The following OSBP2 variants were observed in gnomAD, a reference collection of about 807,000 sequenced individuals.
The protein encoded by OSBP2 is oxysterol-binding protein 2.
A neutral mutation model predicts 96.0 loss-of-function variants in OSBP2; 66 were observed. The ratio of observed to expected loss-of-function variants is 0.69; its 90% CI spans 0.56 to 0.84. OSBP2 has a LOEUF of 0.84. Among genes scored for constraint, OSBP2 ranks in the 40% least tolerant of loss-of-function variants. The probability of loss-of-function intolerance (pLI) is 0.00; values close to 1 mark genes in which losing one functional copy is unlikely to be tolerated. For synonymous variants in OSBP2, 525 were observed against 520.9 expected (o/e 1.01, Z -0.11); for missense variants, 1,038 against 1,222.7 (o/e 0.85, Z 2.25).
chr22:30,869,758 C>T (rs2039420241), intron 2 of OSBP2, among the ~76,000 whole-genome samples: 1 of 151,966 alleles, frequency 6.6e-6, no homozygotes, highest in East Asian at 1.9e-4. Context: ...GCTCTTTTGG[C>T]AGAGTTTGGA....
At chr22:30,848,512 C>T (rs933205837) in intron 2 of OSBP2, among the ~76,000 whole-genome samples, 2 of 152,064 alleles carry the variant, frequency 1.3e-5, no homozygotes, top group Non-Finnish European at 2.9e-5. Flanking sequence ...ATGTATACAC[C>T]TGTGTAGCTG....
At position 30,818,921 on chromosome 22, in the gene OSBP2, G is replaced by A. The variant is rs564777092; in HGVS notation, c.854-51508G>A. On this transcript the variant is annotated intron_variant, in intron 2 of 13. Transcript: ENST00000332585. Reference sequence around the variant, plus strand: ...AGTTTGGAGGGTTGCAGCTGCCCCCGGGATTGCCAGCACAGGATATTTGGG... The same window carrying A: ...AGTTTGGAGGGTTGCAGCTGCCCCCAGGATTGCCAGCACAGGATATTTGGG... Among the ~76,000 whole-genome samples, 14 of 152,326 alleles carry A rather than the reference G, an allele frequency of 9.2e-5. No homozygotes were observed. The East Asian group carries it at 1.4e-3, about 15-fold the overall frequency.
chr22:30,899,309 G>C (rs1024705172), intron 12 of OSBP2, among the ~76,000 whole-genome samples: 6 of 151,786 alleles, frequency 4.0e-5, no homozygotes, highest in African/African-American at 1.5e-4. Flanking sequence ...AGGAGGCTGA[G>C]GCAGGAAGGT....
intron 2 of OSBP2, chr22:30,770,648 C>T (rs1167839125): frequency 6.6e-6 from 1 of 152,232 alleles, no homozygotes; most frequent in African/African-American, 2.4e-5. Flanking sequence ...GGCCTGTGCT[C>T]AGGGTGCAGG....
rs2039447598 is a variant in OSBP2, at chr22:30,871,056, G to A, written c.1107+374G>A. ...GCTGCCACACTGGCCCTCGGTGGCT[G>A]CTACTCCTCCTCCCTGGGTTCACTC... On this transcript the variant is annotated intron_variant, in intron 3 of 13. Coordinates refer to ENST00000332585, the MANE Select transcript of OSBP2 (RefSeq NM_030758.4). This position sits in a 1 kb window ranked among gnomAD's most constrained non-coding sequence, Gnocchi z 4.7. Among the ~76,000 whole-genome samples, 1 of 152,144 alleles carries A rather than the reference G, an allele frequency of 6.6e-6. No individual in the cohort carries two copies. Among genetic ancestry groups the A allele is most frequent in the South Asian group, 2.1e-4 (1 of 4,826 alleles).
At chr22:30,860,191 C>T (rs767950857) in intron 2 of OSBP2, among the ~76,000 whole-genome samples, 28 of 152,110 alleles carry the variant, frequency 1.8e-4, no homozygotes, top group Admixed American at 3.9e-4. Context: ...CTTCCTACCC[C>T]CAAGTTACCA....
chr22:30,717,626 A>G (rs1299340400), intron 1 of OSBP2, among the ~76,000 whole-genome samples: 1 of 152,250 alleles, frequency 6.6e-6, no homozygotes. Context: ...ATAGCCTGTA[A>G]GAAAGCAGAT....
upstream of OSBP2, chr22:30,694,443 A>G: frequency 7.2e-7 from 1 of 1,386,042 alleles, no homozygotes; most frequent in Non-Finnish European, 9.5e-7. Flanking sequence ...CCTGCTTCCC[A>G]CCCGGCTTTC....
At chr22:30,733,649 T>C (rs548088471) in intron 1 of OSBP2, among the ~76,000 whole-genome samples, 8 of 152,218 alleles carry the variant, frequency 5.3e-5, no homozygotes, top group South Asian at 4.2e-4. Context: ...CCATTCTTAG[T>C]TGATGTACAA....
rs1409494424 is a variant in OSBP2, at chr22:30,785,648, T to C, written c.853+44279T>C. ...CTAAATTTTATAGAGGTTAGTGATA[T>C]GATTTGGCTCTATATCCCCACCAAA... On this transcript the variant is annotated intron_variant, in intron 2 of 13. Transcript: ENST00000332585. Among the ~76,000 whole-genome samples the C allele has an allele frequency of 3.3e-5, 5 of 152,102 alleles. No homozygotes were observed. The East Asian group carries it at 9.6e-4, about 29-fold the overall frequency.
intron 2 of OSBP2, among the ~76,000 whole-genome samples, chr22:30,801,245 G>A (rs1396982677): frequency 2.0e-5 from 3 of 152,156 alleles, no homozygotes; most frequent in Non-Finnish European, 2.9e-5. Context: ...TTGTCATTGA[G>A]TTTTGACAGT....
At chr22:30,837,524 T>C (rs892099838) in intron 2 of OSBP2, among the ~76,000 whole-genome samples, 1 of 152,184 alleles carries the variant, frequency 6.6e-6, no homozygotes, top group Non-Finnish European at 1.5e-5. Flanking sequence ...GAAGAAACTA[T>C]TGCAGAAGAA....
Position 30,906,428 on chromosome 22 carries a change from C to T in OSBP2, c.*89C>T. The T allele has an allele frequency of 7.2e-7, 1 of 1,388,558 alleles. No homozygotes were observed. The highest frequency in any genetic ancestry group is 9.6e-7 in the Non-Finnish European group (1 of 1,041,152). 86.0% of individuals were successfully genotyped at this position (1,388,558 alleles called of 1,614,324 possible). Reference sequence around the variant, plus strand: ...CAATTTAGTACTGAATGGTCTTTCTCCCAGCCCATTCCCAGCCCTTCCTAT... The same window carrying T: ...CAATTTAGTACTGAATGGTCTTTCTTCCAGCCCATTCCCAGCCCTTCCTAT... On this transcript the variant is annotated 3_prime_UTR_variant, in exon 14 of 14. Coordinates refer to ENST00000332585, the MANE Select transcript of OSBP2 (RefSeq NM_030758.4).
rs892969852 is a variant in OSBP2 at position 30,889,593 on chromosome 22, T to C, written c.1580T>C (p.Met527Thr). The C allele has an allele frequency of 1.2e-6, 2 of 1,614,070 alleles. No homozygotes were observed. The highest frequency in any genetic ancestry group is 1.7e-6 in the Non-Finnish European group (2 of 1,180,032). The change falls in exon 7 of 14, where the codon ATG becomes ACG. Residue 527 changes from methionine to threonine, a missense_variant. By Grantham distance (81) the Met-to-Thr change is moderately conservative. This residue lies in a region of OSBP2 where 737 missense variants were observed against 913.3 expected (regional missense o/e 0.81). Transcript: ENST00000332585. ...PNYSLNLWSI[M>T]KNCIGRELSR... ...TACAGCCTTAACCTCTGGAGCATCA[T>C]GAAGAACTGCATCGGCCGGGAGCTC... is the stretch of plus-strand genomic sequence containing the variant.
intron 12 of OSBP2, among the ~76,000 whole-genome samples, chr22:30,897,192 TAATTA>T (rs1173819968): frequency 6.6e-6 from 1 of 152,230 alleles, no homozygotes; most frequent in East Asian, 1.9e-4. Context: ...ATTATGCATA[TAATTA>T]AATTCCTCAA....
At chr22:30,898,231 A>T (rs1239344488) in intron 12 of OSBP2, among the ~76,000 whole-genome samples, 2 of 152,102 alleles carry the variant, frequency 1.3e-5, no homozygotes, top group Non-Finnish European at 2.9e-5. Flanking sequence ...ACATGCCTGT[A>T]GTCCCAGATA....
intron 2 of OSBP2, among the ~76,000 whole-genome samples, chr22:30,807,464 G>C (rs1301741116): frequency 1.3e-5 from 2 of 152,154 alleles, no homozygotes; most frequent in Non-Finnish European, 2.9e-5. Context: ...CAGGAACACA[G>C]ATTCTGCTCT....
intron 1 of OSBP2, among the ~76,000 whole-genome samples, chr22:30,733,521 G>C (rs562377077): frequency 6.6e-6 from 1 of 152,244 alleles, no homozygotes; most frequent in South Asian, 2.1e-4. Context: ...CCAGCTTGTC[G>C]GTGACCACTC....
At chr22:30,709,502 T>C (rs942937222) in intron 1 of OSBP2, among the ~76,000 whole-genome samples, 1 of 152,000 alleles carries the variant, frequency 6.6e-6, no homozygotes, top group African/African-American at 2.4e-5. Context: ...TTAGTCTAAT[T>C]GTTTTTTGTT....
Sources: allele counts gnomAD v4.1 joint callset (sites outside exome capture counted in the v4.1 genomes callset), GRCh38; gene constraint gnomAD v4.1.1; regional missense constraint gnomAD v4.1.1; non-coding constraint Gnocchi (gnomAD v3.1); transcripts MANE v1.5; gene names NCBI Gene and HGNC (gene_info 2026-07-23, HGNC 2026-07-21).